The following RARB variants were observed in gnomAD, a reference collection of about 807,000 sequenced individuals.
RARB encodes the protein retinoic acid receptor beta, also known as HBV-activated protein.
A neutral mutation model predicts 51.9 loss-of-function variants in RARB; 17 were observed. The observed-to-expected ratio is 0.33, with a 90% CI of 0.22 to 0.49. The LOEUF is 0.49. RARB is among the 20% of genes least tolerant of loss of function. The probability of loss-of-function intolerance (pLI) is 0.99; values close to 1 mark genes in which losing one functional copy is unlikely to be tolerated. For synonymous variants in RARB, 215 were observed against 195.4 expected, an observed-to-expected ratio of 1.10 and a Z score of -0.84; for missense variants, 369 against 550.8, an observed-to-expected ratio of 0.67 and a Z score of 3.30.
chr3:25,503,178 A>G (rs1697402928), intron 3 of RARB, among the ~76,000 whole-genome samples: 1 of 152,248 alleles, frequency 6.6e-6, no homozygotes, highest in Non-Finnish European at 1.5e-5. Context: ...ATTTGAAGAT[A>G]GGAAGCTAAC....
Position 25,386,262 on chromosome 3 carries a change from G to C in RARB, c.179-74931G>C, listed in dbSNP as rs948811344. ...TTGGCCAGAAAAGTGGAAAGGGAAG[G>C]GTGGGGAAAGGGAACAACCTCTCAA... On this transcript the variant is annotated intron_variant, in intron 5 of 11. Transcript: ENST00000383772. 2.6e-5 allele frequency among the ~76,000 whole-genome samples: 4 copies of C among 152,068 alleles called. No individual in the cohort carries two copies. The East Asian group carries it at 7.7e-4, about 29-fold the overall frequency.
chr3:25,220,740 A>G (rs549859383), intron 5 of RARB, among the ~76,000 whole-genome samples: 64 of 152,340 alleles, frequency 4.2e-4, no homozygotes, highest in Non-Finnish European at 7.8e-4. Flanking sequence ...ACTGTGAATC[A>G]ATTAAATCTC....
chr3:25,030,171 T>C (rs1299608562), intron 2 of RARB, among the ~76,000 whole-genome samples: 1 of 152,220 alleles, frequency 6.6e-6, no homozygotes, highest in Non-Finnish European at 1.5e-5. Context: ...ACCTTCTGCC[T>C]GAGCCTGTGC....
intron 2 of RARB, among the ~76,000 whole-genome samples, chr3:24,879,444 T>TA (rs1703113380): frequency 2.3e-5 from 3 of 131,906 alleles, no homozygotes; most frequent in Non-Finnish European, 3.3e-5. Flanking sequence ...TAAAAAAAAA[T>TA]AAAAAATAAA....
chr3:25,488,836 C>T (rs1355949357), intron 2 of RARB, among the ~76,000 whole-genome samples: 1 of 152,190 alleles, frequency 6.6e-6, no homozygotes, highest in Non-Finnish European at 1.5e-5. Context: ...ACAGGTCCCC[C>T]TACATCCATT....
chr3:25,370,498 G>C (rs1706265120), intron 5 of RARB, among the ~76,000 whole-genome samples: 1 of 152,184 alleles, frequency 6.6e-6, no homozygotes, highest in Non-Finnish European at 1.5e-5. Context: ...AGAGGGAAGA[G>C]GTTGGAGGAA....
chr3:25,374,857 A>G (rs1706410688), intron 5 of RARB, among the ~76,000 whole-genome samples: 1 of 152,268 alleles, frequency 6.6e-6, no homozygotes, highest in Non-Finnish European at 1.5e-5. Flanking sequence ...AGCAGTTTTA[A>G]CCTTGACTTT....
At chr3:25,560,619 C>T (rs1228760034) in intron 3 of RARB, among the ~76,000 whole-genome samples, 2 of 152,234 alleles carry the variant, frequency 1.3e-5, no homozygotes, top group Non-Finnish European at 2.9e-5. Flanking sequence ...AGTTTCCATA[C>T]TCTGTCTTCC....
At chr3:25,355,445 G>T (rs1705704750) in intron 5 of RARB, among the ~76,000 whole-genome samples, 1 of 152,138 alleles carries the variant, frequency 6.6e-6, no homozygotes, top group South Asian at 2.1e-4. Context: ...ACACAGTGAA[G>T]CACTTCAGTC....
intron 3 of RARB, among the ~76,000 whole-genome samples, chr3:25,538,237 G>A (rs1699223109): frequency 6.6e-6 from 1 of 152,148 alleles, no homozygotes; most frequent in Non-Finnish European, 1.5e-5. Context: ...CTGCCAGGAT[G>A]GGAGGTTTAC....
At chr3:25,267,712 T>C (rs2125409734) in intron 5 of RARB, among the ~76,000 whole-genome samples, 1 of 152,344 alleles carries the variant, frequency 6.6e-6, no homozygotes, top group East Asian at 1.9e-4. Flanking sequence ...TCATTTAAGT[T>C]ACTCAAATTT....
chr3:25,456,671 A>G (rs1177798582), intron 1 of RARB, among the ~76,000 whole-genome samples: 4 of 110,554 alleles, frequency 3.6e-5, no homozygotes, highest in African/African-American at 1.4e-4. Context: ...ATATATATAT[A>G]TATATATATA....
At chr3:25,540,375 CTT>C (rs57281891) in intron 3 of RARB, among the ~76,000 whole-genome samples, 26,426 of 152,138 alleles carry the variant, frequency 0.17, 2,674 homozygotes, top group African/African-American at 0.29. Flanking sequence ...GGCCCCAACT[CTT>C]TGGTCCACAC....
intron 2 of RARB, among the ~76,000 whole-genome samples, chr3:25,050,068 A>G (rs1384995560): frequency 1.3e-5 from 2 of 152,204 alleles, no homozygotes; most frequent in African/African-American, 4.8e-5. Flanking sequence ...TGAGTTTTCT[A>G]GGTGGGTGAG....
At chr3:25,093,166 T>C (rs945527467) in intron 3 of RARB, among the ~76,000 whole-genome samples, 5 of 152,194 alleles carry the variant, frequency 3.3e-5, no homozygotes, top group African/African-American at 1.2e-4. Flanking sequence ...CTCAACTGGA[T>C]AATTAGGTTT....
At chr3:25,302,476 A>C (rs369511518) in intron 5 of RARB, among the ~76,000 whole-genome samples, 4 of 152,364 alleles carry the variant, frequency 2.6e-5, no homozygotes, top group African/African-American at 9.6e-5. Context: ...TAAACCCTGA[A>C]TACATTATGC....
At chr3:25,539,976 C>T (rs564878872) in intron 3 of RARB, among the ~76,000 whole-genome samples, 3 of 152,186 alleles carry the variant, frequency 2.0e-5, no homozygotes, top group Admixed American at 2.0e-4. Context: ...TACAAAGGGC[C>T]AACTTCTCGT....
intron 2 of RARB, among the ~76,000 whole-genome samples, chr3:25,023,604 T>C (rs1397132598): frequency 6.6e-6 from 1 of 152,108 alleles, no homozygotes. Flanking sequence ...GCATTTTCAG[T>C]CTCTGGGTCA....
intron 4 of RARB, among the ~76,000 whole-genome samples, chr3:25,170,200 G>A (rs1255593790): frequency 6.6e-6 from 1 of 152,110 alleles, no homozygotes; most frequent in African/African-American, 2.4e-5. Flanking sequence ...AATCATTTAT[G>A]GATTCTCTGT....
Sources: allele counts gnomAD v4.1 joint callset (sites outside exome capture counted in the v4.1 genomes callset), GRCh38; gene constraint gnomAD v4.1.1; transcripts MANE v1.5; gene names NCBI Gene and HGNC (gene_info 2026-07-23, HGNC 2026-07-21).